TOP6BL: variants seen among roughly 807,000 people sequenced by gnomAD.
The protein encoded by TOP6BL is TOP6B like initiator of meiotic double strand breaks.
the TOP6BL span, chr11:66,761,664 C>G: frequency 9.2e-7 from 1 of 1,090,448 alleles, no homozygotes; most frequent in South Asian, 1.4e-5. Context: ...ACCAACTCAT[C>G]TGCAAAAATG....
the TOP6BL span, among the ~76,000 whole-genome samples, chr11:66,827,002 A>G: frequency 1.0e-5 from 1 of 99,946 alleles, no homozygotes; most frequent in African/African-American, 4.3e-5. Context: ...TTTTTTTGAG[A>G]CGGAGTTTCG....
At chr11:66,821,907 G>A in the TOP6BL span, 4 of 1,021,422 alleles carry the variant, frequency 3.9e-6, no homozygotes, top group South Asian at 3.2e-5. Context: ...TTGTAACACT[G>A]CATCTAGCCT....
chr11:66,782,152 T>A, the TOP6BL span, among the ~76,000 whole-genome samples: 1 of 152,170 alleles, frequency 6.6e-6, no homozygotes, highest in Admixed American at 6.6e-5. Context: ...TTTAGACTTT[T>A]TTGGGGTGGG....
At chr11:66,774,023 C>G in the TOP6BL span, among the ~76,000 whole-genome samples, 2 of 152,124 alleles carry the variant, frequency 1.3e-5, no homozygotes, top group Non-Finnish European at 2.9e-5. Context: ...GCCACCATGC[C>G]CAGCCTATAT....
At chr11:66,768,596 A>G in the TOP6BL span, among the ~76,000 whole-genome samples, 1 of 151,896 alleles carries the variant, frequency 6.6e-6, no homozygotes, top group South Asian at 2.1e-4. Flanking sequence ...TGCCAAATTT[A>G]CCTAACGCTT....
chr11:66,821,811 G>C, the TOP6BL span: 1 of 1,600,984 alleles, frequency 6.2e-7, no homozygotes, highest in Non-Finnish European at 8.5e-7. Context: ...CTAAGAAAAA[G>C]ATAGCAAGCA....
chr11:66,826,491 G>C, the TOP6BL span, among the ~76,000 whole-genome samples: 3 of 152,102 alleles, frequency 2.0e-5, no homozygotes, highest in Non-Finnish European at 2.9e-5. Context: ...ATGGAGTTAT[G>C]AGTCAAAGTG....
chr11:66,840,608 C>T, the TOP6BL span, among the ~76,000 whole-genome samples: 1 of 152,312 alleles, frequency 6.6e-6, no homozygotes, highest in East Asian at 1.9e-4. Flanking sequence ...CCACAAGCTG[C>T]ATGCACCCTG....
At chr11:66,748,569 C>T in the TOP6BL span, 60 of 1,343,532 alleles carry the variant, frequency 4.5e-5, 1 homozygote, top group South Asian at 6.5e-4. Flanking sequence ...TGGTTTATGT[C>T]GTAGCTTATT....
the TOP6BL span, among the ~76,000 whole-genome samples, chr11:66,793,228 G>A: frequency 6.6e-6 from 1 of 151,560 alleles, no homozygotes; most frequent in Non-Finnish European, 1.5e-5. Context: ...TGGGATTACA[G>A]GTGCACGCCA....
chr11:66,780,124 C>T, the TOP6BL span, among the ~76,000 whole-genome samples: 1 of 151,534 alleles, frequency 6.6e-6, no homozygotes, highest in Non-Finnish European at 1.5e-5. Context: ...CAAACCTGCA[C>T]GTTGTGCACA....
the TOP6BL span, chr11:66,762,050 C>T: frequency 7.9e-6 from 11 of 1,385,264 alleles, no homozygotes; most frequent in South Asian, 2.3e-5. Flanking sequence ...AGCAACTTTC[C>T]GCACTAATTT....
At chr11:66,782,251 A>G in the TOP6BL span, among the ~76,000 whole-genome samples, 1 of 152,328 alleles carries the variant, frequency 6.6e-6, no homozygotes, top group South Asian at 2.1e-4. Flanking sequence ...AGTTTTAACA[A>G]GGTCTCCCCA....
the TOP6BL span, among the ~76,000 whole-genome samples, chr11:66,802,115 GAGTAGCT>G: frequency 6.6e-6 from 1 of 151,818 alleles, no homozygotes; most frequent in Non-Finnish European, 1.5e-5. Context: ...TCAGCCTCTC[GAGTAGCT>G]AGTAGCTAGG....
the TOP6BL span, among the ~76,000 whole-genome samples, chr11:66,793,544 C>G: frequency 6.9e-6 from 1 of 144,506 alleles, no homozygotes; most frequent in Non-Finnish European, 1.5e-5. Flanking sequence ...CTTCCAGGTT[C>G]AAGCAGTTCT....
chr11:66,814,844 A>G, the TOP6BL span, among the ~76,000 whole-genome samples: 3 of 152,230 alleles, frequency 2.0e-5, no homozygotes, highest in African/African-American at 7.2e-5. Context: ...GCTGGCTGTA[A>G]TATTCCCATA....
the TOP6BL span, chr11:66,744,780 C>T: frequency 8.0e-7 from 1 of 1,245,206 alleles, no homozygotes; most frequent in East Asian, 3.1e-5. Context: ...TGGACTCGGG[C>T]GTGGGCACTG....
the TOP6BL span, among the ~76,000 whole-genome samples, chr11:66,803,073 A>G: frequency 6.6e-6 from 1 of 152,202 alleles, no homozygotes; most frequent in Admixed American, 6.5e-5. Flanking sequence ...GGAGAGAAAG[A>G]TGGCCTGGTT....
chr11:66,765,468 G>A, the TOP6BL span, among the ~76,000 whole-genome samples: 1 of 152,086 alleles, frequency 6.6e-6, no homozygotes, highest in African/African-American at 2.4e-5. Context: ...CCAGTTGTTA[G>A]GGCTCTTAAT....
Sources: gnomAD v4.1 joint callset for allele counts (sites outside exome capture counted in the v4.1 genomes callset) on GRCh38, gnomAD v4.1.1 for gene constraint, MANE v1.5 for transcripts, NCBI Gene and HGNC (gene_info 2026-07-23, HGNC 2026-07-21) for gene names.